FAF1: variants seen among roughly 807,000 people sequenced by gnomAD.
FAF1 encodes FAS-associated factor 1.
A neutral mutation model predicts 92.5 loss-of-function variants in FAF1; 25 were observed. That is an observed-to-expected ratio of 0.27 (90% confidence interval 0.20 to 0.38). FAF1 has a LOEUF of 0.38. FAF1 is among the 10% of genes least tolerant of loss of function. The probability of loss-of-function intolerance (pLI) is 1.00; values close to 1 mark genes in which losing one functional copy is unlikely to be tolerated. For synonymous variants in FAF1, 234 were observed against 273.2 expected, an observed-to-expected ratio of 0.86 and a Z score of 1.42; for missense variants, 636 against 793.3, an observed-to-expected ratio of 0.80 and a Z score of 2.38.
At chr1:50,500,454 T>G (rs988506382) in intron 15 of FAF1, among the ~76,000 whole-genome samples, 1 of 152,148 alleles carries the variant, frequency 6.6e-6, no homozygotes, top group African/African-American at 2.4e-5. Context: ...CTACTGGATA[T>G]CCATCTCTTC....
At chr1:50,943,628 T>C (rs1227183718) in intron 1 of FAF1, among the ~76,000 whole-genome samples, 1 of 152,108 alleles carries the variant, frequency 6.6e-6, no homozygotes, top group Non-Finnish European at 1.5e-5. Context: ...ACTCCCCTTA[T>C]AAAGATAATT....
At chr1:50,618,144 T>C (rs1653015795) in intron 8 of FAF1, among the ~76,000 whole-genome samples, 1 of 152,160 alleles carries the variant, frequency 6.6e-6, no homozygotes, top group African/African-American at 2.4e-5. Context: ...TGCATCTCAA[T>C]TTCATCATGC....
chr1:50,528,675 G>C (rs1186043630), intron 15 of FAF1, among the ~76,000 whole-genome samples: 6 of 152,024 alleles, frequency 3.9e-5, no homozygotes, highest in African/African-American at 1.2e-4. Flanking sequence ...AAACAACAAG[G>C]GTCTGAACTG....
chr1:50,852,010 A>T (rs1235918233), intron 2 of FAF1, among the ~76,000 whole-genome samples: 2 of 152,236 alleles, frequency 1.3e-5, no homozygotes, highest in African/African-American at 2.4e-5. Flanking sequence ...AAAACTTTCA[A>T]ATAGGTTAGG....
intron 1 of FAF1, among the ~76,000 whole-genome samples, chr1:50,869,536 A>G (rs998740397): frequency 6.6e-6 from 1 of 152,126 alleles, no homozygotes; most frequent in African/African-American, 2.4e-5. Context: ...ATTCATTTGA[A>G]TATTATCTCT....
chr1:50,464,292 C>T (rs1646468091), intron 18 of FAF1, among the ~76,000 whole-genome samples: 1 of 152,154 alleles, frequency 6.6e-6, no homozygotes, highest in Non-Finnish European at 1.5e-5. Flanking sequence ...TAGGTGTGAG[C>T]CACTGCACCT....
chr1:50,736,311 AT>A (rs1490273713), intron 6 of FAF1, among the ~76,000 whole-genome samples: 1 of 152,236 alleles, frequency 6.6e-6, no homozygotes, highest in Non-Finnish European at 1.5e-5. Flanking sequence ...GAATCCATCA[AT>A]TGTAACAAAA....
intron 15 of FAF1, among the ~76,000 whole-genome samples, chr1:50,514,892 T>C (rs185569167): frequency 9.2e-5 from 14 of 152,182 alleles, no homozygotes; most frequent in Non-Finnish European, 1.9e-4. Flanking sequence ...ATCTGCCTGG[T>C]AACCTAGGAT....
chr1:50,561,493 T>C (rs556481675), intron 13 of FAF1, among the ~76,000 whole-genome samples: 10 of 152,304 alleles, frequency 6.6e-5, no homozygotes, highest in African/African-American at 2.4e-4. Flanking sequence ...TCAATAAGCC[T>C]ATTAGAGATG....
intron 13 of FAF1, among the ~76,000 whole-genome samples, chr1:50,561,781 C>T (rs769026918): frequency 8.6e-5 from 13 of 151,952 alleles, no homozygotes; most frequent in Admixed American, 3.3e-4. Flanking sequence ...AGCTGGATTG[C>T]GCCACCGCAC....
intron 1 of FAF1, among the ~76,000 whole-genome samples, chr1:50,876,846 AG>A (rs1644575888): frequency 6.6e-6 from 1 of 152,228 alleles, no homozygotes; most frequent in Non-Finnish European, 1.5e-5. Flanking sequence ...GGCCTCCCAA[AG>A]TGCTGGGATT....
At chr1:50,595,378 G>C (rs1309393585) in intron 9 of FAF1, among the ~76,000 whole-genome samples, 1 of 151,790 alleles carries the variant, frequency 6.6e-6, no homozygotes, top group Non-Finnish European at 1.5e-5. Context: ...TATCACCCTT[G>C]ACTCTCAGCA....
intron 8 of FAF1, among the ~76,000 whole-genome samples, chr1:50,637,273 TA>T (rs1172030649): frequency 0.086 from 8,322 of 97,218 alleles, 312 homozygotes; most frequent in East Asian, 0.13. Context: ...CCATTTCTAC[TA>T]AAAAAAAAAA....
intron 8 of FAF1, among the ~76,000 whole-genome samples, chr1:50,623,778 C>CA (rs1335490477): frequency 1.3e-5 from 2 of 151,572 alleles, no homozygotes; most frequent in African/African-American, 4.8e-5. Context: ...CCTGTCTCTA[C>CA]AAAAAATACA....
intron 13 of FAF1, among the ~76,000 whole-genome samples, chr1:50,549,858 C>T (rs566951068): frequency 2.0e-5 from 3 of 152,086 alleles, no homozygotes; most frequent in African/African-American, 4.8e-5. Context: ...TGGGCTCAAT[C>T]GATCCTTCTA....
chr1:50,490,729 A>G, intron 16 of FAF1, 64 bp from the exon 17 acceptor site: 1 of 1,017,014 alleles, frequency 9.8e-7, no homozygotes, highest in Admixed American at 1.8e-5. Context: ...AAAGAGAGAA[A>G]TAAGGAAAGA....
At chr1:50,567,347 T>C in intron 12 of FAF1, 116 bp from the exon 13 acceptor site, 1 of 651,316 alleles carries the variant, frequency 1.5e-6, no homozygotes, top group Non-Finnish European at 2.4e-6. Context: ...TAAATGCTAT[T>C]CCCTAAGAGA....
At chr1:50,879,867 C>A (rs1644598027) in intron 1 of FAF1, among the ~76,000 whole-genome samples, 1 of 152,124 alleles carries the variant, frequency 6.6e-6, no homozygotes, top group African/African-American at 2.4e-5. Context: ...CCTTAATTGG[C>A]TAAGGCAGTC....
At chr1:50,454,973 C>T (rs1646334834) in intron 18 of FAF1, among the ~76,000 whole-genome samples, 1 of 152,174 alleles carries the variant, frequency 6.6e-6, no homozygotes, top group Admixed American at 6.5e-5. Flanking sequence ...ATGGAAACTC[C>T]CCACTCCTCC....
Sources: gnomAD v4.1 joint callset for allele counts (sites outside exome capture counted in the v4.1 genomes callset) on GRCh38, gnomAD v4.1.1 for gene constraint, MANE v1.5 for transcripts, NCBI Gene and HGNC (gene_info 2026-07-23, HGNC 2026-07-21) for gene names.